Variants in ARMC7 observed in about 807,000 individuals in gnomAD.
ARMC7 encodes the protein armadillo repeat containing 7, also known as armadillo repeat-containing protein 7.
In ARMC7, 9 loss-of-function variants were observed where a neutral mutation model predicts 14.8. That is an observed-to-expected ratio of 0.61 (90% confidence interval 0.37 to 1.06). The LOEUF (loss-of-function observed/expected upper bound fraction) is 1.06, where lower values mean the gene tolerates loss of function less well. Among genes scored for constraint, ARMC7 ranks in the 50% least tolerant of loss-of-function variants. The probability of loss-of-function intolerance (pLI) is 0.01; values close to 1 mark genes in which losing one functional copy is unlikely to be tolerated. For missense variants in ARMC7, 262 were observed against 267.1 expected, an observed-to-expected ratio of 0.98 and a Z score of 0.13; for synonymous variants, 125 against 123.4, an observed-to-expected ratio of 1.01 and a Z score of -0.09.
intron 2 of ARMC7, among the ~76,000 whole-genome samples, chr17:75,121,313 ATG>A (rs1319502543): frequency 4.6e-5 from 7 of 152,192 alleles, no homozygotes; most frequent in Admixed American, 4.6e-4. Context: ...CCTAGGGTAG[ATG>A]TGCGTTTAAC....
chr17:75,128,851 C>G lies in ARMC7; in HGVS notation c.410C>G (p.Thr137Ser). The G allele has an allele frequency of 1.2e-6, 2 of 1,612,906 alleles. No homozygotes were observed. Among genetic ancestry groups the G allele is most frequent in the Middle Eastern group, 1.6e-4 (1 of 6,062 alleles). Residue 137 changes from threonine (T) to serine (S), a missense_variant, in exon 3 of 3, where the codon ACC becomes AGC. Coordinates refer to ENST00000245543, the MANE Select transcript of ARMC7 (RefSeq NM_024585.4). The part of the protein sequence containing the change: ...PPGRSFLPEL[T>S]ATPVVQCMLR... ...GGCCGCAGCTTTCTCCCAGAGCTGACCGCCACGCCCGTGGTGCAGTGCATG... is the reference window on the plus strand; with the variant it reads ...GGCCGCAGCTTTCTCCCAGAGCTGAGCGCCACGCCCGTGGTGCAGTGCATG...
At chr17:75,119,861 A>ACCAGGTG (rs1380492081) in intron 2 of ARMC7, among the ~76,000 whole-genome samples, 1 of 151,998 alleles carries the variant, frequency 6.6e-6, no homozygotes, top group African/African-American at 2.4e-5. Context: ...CTGCCCAGCC[A>ACCAGGTG]CCAGGTGCCA....
chr17:75,125,546 A>C (rs568180593), intron 2 of ARMC7, among the ~76,000 whole-genome samples: 8 of 152,048 alleles, frequency 5.3e-5, no homozygotes, highest in Non-Finnish European at 8.8e-5. Flanking sequence ...TCCTTTAATA[A>C]TGTTCCCCCA....
In ARMC7 at chr17:75,110,364, G is replaced by A. The variant is rs1420903729; in HGVS notation, c.76G>A (p.Glu26Lys). 7.4e-6 allele frequency: 12 copies of A among 1,614,128 alleles called. No homozygotes were observed. The highest frequency in any genetic ancestry group is 1.0e-5 in the Non-Finnish European group (12 of 1,180,034). ...GCAGGCGCTGGTCACGGAATTCCAG[G>A]AGACCCAAAGCCAAGGTGAGAGCCA... ...YLQALVTEFQ[E>K]TQSQDAKEQV... Residue 26 changes from glutamate to lysine, a missense_variant, in exon 1 of 3, where the codon GAG becomes AAG. Transcript: ENST00000245543.
chr17:75,114,039 A>T, intron 2 of ARMC7: 1 of 397,736 alleles, frequency 2.5e-6, no homozygotes, highest in East Asian at 3.6e-5. Flanking sequence ...CCAGGGCAGG[A>T]GCCCCAGTTG....
chr17:75,123,101 C>T (rs928727088), intron 2 of ARMC7, among the ~76,000 whole-genome samples: 5 of 150,188 alleles, frequency 3.3e-5, no homozygotes, highest in African/African-American at 7.4e-5. Flanking sequence ...TGCAGTGGCA[C>T]GATCTCAGCT....
At chr17:75,119,624 GTA>G (rs1412027826) in intron 2 of ARMC7, among the ~76,000 whole-genome samples, 1 of 48,244 alleles carries the variant, frequency 2.1e-5, no homozygotes, top group East Asian at 1.1e-3. Flanking sequence ...AATTTTTTTT[GTA>G]TTTTTTTTTT....
chr17:75,122,275 G>A (rs539673120), intron 2 of ARMC7, among the ~76,000 whole-genome samples: 9 of 151,842 alleles, frequency 5.9e-5, no homozygotes, highest in East Asian at 1.9e-4. Flanking sequence ...GCAGTGAGCC[G>A]AGATTGCGCC....
chr17:75,112,134 G>GTGGTGTC (rs2073928261), intron 2 of ARMC7, among the ~76,000 whole-genome samples: 3 of 152,176 alleles, frequency 2.0e-5, no homozygotes, highest in African/African-American at 7.2e-5. Flanking sequence ...ACAGGAAGGA[G>GTGGTGTC]CCAGACGGAA....
intron 2 of ARMC7, among the ~76,000 whole-genome samples, chr17:75,113,534 T>G (rs1328633503): frequency 6.6e-6 from 1 of 151,142 alleles, no homozygotes; most frequent in Non-Finnish European, 1.5e-5. Flanking sequence ...TTTTTGTACT[T>G]TTAGTAGAGA....
Position 75,129,139 on chromosome 17 carries a change from T to C in ARMC7, c.*101T>C, listed in dbSNP as rs2074080273. 1.4e-6 allele frequency: 2 copies of C among 1,447,766 alleles called. No homozygotes were observed. The highest frequency in any genetic ancestry group is 2.5e-4 in the Middle Eastern group (1 of 3,924). 89.7% of individuals were successfully genotyped at this position (1,447,766 alleles called of 1,614,324 possible). The stretch of plus-strand genomic sequence containing the variant: ...GCACATACTGCCCCATTGGTGCCTT[T>C]TCAGCCATCTGAAAGGCGGGTTCTT... On this transcript the variant is annotated 3_prime_UTR_variant, in exon 3 of 3. Coordinates refer to ENST00000245543, the MANE Select transcript of ARMC7 (RefSeq NM_024585.4).
chr17:75,116,267 C>T (rs374868668), intron 2 of ARMC7, among the ~76,000 whole-genome samples: 4 of 152,320 alleles, frequency 2.6e-5, no homozygotes, highest in Non-Finnish European at 2.9e-5. Flanking sequence ...TGTGCTTACA[C>T]CGCCTTCTTT....
In ARMC7 at chr17:75,125,895, T is replaced by C. The variant is rs148708889; in HGVS notation, c.236-2782T>C. 2.2e-3 allele frequency among the ~76,000 whole-genome samples: 342 copies of C among 152,256 alleles called. 2 individuals are homozygous for C. Among genetic ancestry groups the C allele is most frequent in the Admixed American group, 9.0e-3 (138 of 15,298 alleles). On this transcript the variant is annotated intron_variant, in intron 2 of 2. Transcript: ENST00000245543. ...AGGACCAGCCTGACCCAGGTGCTGCTTGGGAGCAGGCAGCAGAGTGAAACC... is the reference window on the plus strand; with the variant it reads ...AGGACCAGCCTGACCCAGGTGCTGCCTGGGAGCAGGCAGCAGAGTGAAACC...
In ARMC7 at chr17:75,129,119, T is replaced by TA. The variant is rs2074079980; in HGVS notation, c.*82dup. ...GTGGACGCAGGGAACGGGGAGCACA[T>TA]ACTGCCCCATTGGTGCCTTTTCAGC... On this transcript the variant is annotated 3_prime_UTR_variant, in exon 3 of 3. Coordinates refer to ENST00000245543, the MANE Select transcript of ARMC7 (RefSeq NM_024585.4). 1 of 1,492,948 alleles carries TA rather than the reference T, an allele frequency of 6.7e-7. No homozygotes were observed. Among genetic ancestry groups the TA allele is most frequent in the Admixed American group, 2.1e-5 (1 of 46,934 alleles). 92.5% of individuals were successfully genotyped at this position (1,492,948 alleles called of 1,614,324 possible). A position where few individuals can be genotyped will look rare whatever the true frequency, so the allele number is the denominator to read the frequency against.
chr17:75,119,357 G>A (rs1568016741), intron 2 of ARMC7, among the ~76,000 whole-genome samples: 2 of 152,044 alleles, frequency 1.3e-5, no homozygotes, highest in Non-Finnish European at 1.5e-5. Context: ...ACACAAAAGT[G>A]TAATAAGGAA....
chr17:75,127,662 C>A (rs975411722), intron 2 of ARMC7, among the ~76,000 whole-genome samples: 15 of 152,232 alleles, frequency 9.9e-5, no homozygotes, highest in Admixed American at 6.5e-4. Context: ...GTGGTGCGTT[C>A]ATGGCTTACT....
At chr17:75,124,154 T>C (rs2074033958) in intron 2 of ARMC7, among the ~76,000 whole-genome samples, 1 of 152,160 alleles carries the variant, frequency 6.6e-6, no homozygotes, top group Non-Finnish European at 1.5e-5. Flanking sequence ...CAGCTCAGAC[T>C]TCCTGCCCTG....
chr17:75,119,141 T>TGTACACTG (rs146926485), intron 2 of ARMC7, among the ~76,000 whole-genome samples: 51,904 of 151,434 alleles, frequency 0.34, 9,460 homozygotes, highest in East Asian at 0.69. Flanking sequence ...TACACTGGAC[T>TGTACACTG]GTACACTGGT....
chr17:75,126,778 G>A (rs906556191), intron 2 of ARMC7, among the ~76,000 whole-genome samples: 9 of 151,974 alleles, frequency 5.9e-5, no homozygotes, highest in Non-Finnish European at 1.0e-4. Context: ...GAAAAAAGCT[G>A]GGCGGGGCAC....
Sources: gnomAD v4.1 joint callset for allele counts (sites outside exome capture counted in the v4.1 genomes callset) on GRCh38, gnomAD v4.1.1 for gene constraint, MANE v1.5 for transcripts, NCBI Gene and HGNC (gene_info 2026-07-23, HGNC 2026-07-21) for gene names.